Variants in INPP4B observed in about 807,000 individuals in gnomAD.
INPP4B encodes inositol polyphosphate 4-phosphatase type II.
Under a neutral mutation model 122.5 loss-of-function variants are expected in INPP4B, and 55 were observed. That is an observed-to-expected ratio of 0.45 (90% CI 0.36 to 0.56). The LOEUF is 0.56. Among genes scored for constraint, INPP4B ranks in the 20% least tolerant of loss-of-function variants. INPP4B has a pLI of 0.00. For missense variants in INPP4B, 1,000 were observed against 1,097.7 expected, an observed-to-expected ratio of 0.91 and a Z score of 1.26; for synonymous variants, 403 against 388.7, an observed-to-expected ratio of 1.04 and a Z score of -0.43.
At chr4:142,656,111 G>A (rs889383811) in intron 2 of INPP4B, among the ~76,000 whole-genome samples, 4 of 152,180 alleles carry the variant, frequency 2.6e-5, no homozygotes, top group African/African-American at 9.7e-5. Flanking sequence ...CACACCATTT[G>A]CAGCAGGGAG....
intron 15 of INPP4B, among the ~76,000 whole-genome samples, chr4:142,174,350 G>C (rs898151296): frequency 1.3e-5 from 2 of 152,008 alleles, no homozygotes; most frequent in Non-Finnish European, 2.9e-5. Flanking sequence ...CTAAAATTGT[G>C]CTTGGCACAG....
intron 2 of INPP4B, among the ~76,000 whole-genome samples, chr4:142,682,012 C>T (rs938432536): frequency 4.0e-5 from 6 of 151,698 alleles, no homozygotes; most frequent in Non-Finnish European, 8.8e-5. Flanking sequence ...TAATGTACAC[C>T]TTTGGGATGT....
chr4:142,800,567 AT>A (rs1306882256), intron 1 of INPP4B, among the ~76,000 whole-genome samples: 1 of 152,216 alleles, frequency 6.6e-6, no homozygotes, highest in Admixed American at 6.5e-5. Context: ...TTATATACAG[AT>A]TCCTGAAAGG....
chr4:142,557,489 G>A (rs1265880137), intron 2 of INPP4B, among the ~76,000 whole-genome samples: 1 of 150,996 alleles, frequency 6.6e-6, no homozygotes, highest in Non-Finnish European at 1.5e-5. Flanking sequence ...AGAAACTGAG[G>A]CCAGAGAGGC....
At position 142,616,673 on chromosome 4, in the gene INPP4B, G is replaced by A. The variant is rs567389122; in HGVS notation, c.-191+109166C>T. On this transcript the variant is annotated intron_variant, in intron 2 of 25. Coordinates refer to ENST00000262992, the MANE Select transcript of INPP4B (RefSeq NM_001101669.3). ...ACGTGCAGCATTATTCATAATAGCA[G>A]TCATGGAATCAACCTAAGTGTCCAT... is the stretch of plus-strand genomic sequence containing the variant. 6.4e-4 allele frequency among the ~76,000 whole-genome samples: 97 copies of A among 152,244 alleles called. 1 individual carries two copies. In the South Asian group the frequency reaches 0.019, roughly 31 times the overall value.
rs573979135 is a variant in INPP4B at position 142,266,832 on chromosome 4, G to GA, written c.615+3830dup. ...GAAAACCCTAATGACACAACCAAAA[G>GA]AAAAAAAAAATCAGTTAAAACTGAT... On this transcript the variant is annotated intron_variant, in intron 10 of 25. Coordinates refer to ENST00000262992, the MANE Select transcript of INPP4B (RefSeq NM_001101669.3). Among the ~76,000 whole-genome samples, 218 of 146,160 alleles carry GA rather than the reference G, an allele frequency of 1.5e-3. 1 individual carries two copies. The highest frequency in any genetic ancestry group is 6.9e-3 in the Middle Eastern group (2 of 288).
chr4:142,748,863 T>C (rs1014812997), intron 1 of INPP4B, among the ~76,000 whole-genome samples: 1 of 151,924 alleles, frequency 6.6e-6, no homozygotes, highest in African/African-American at 2.4e-5. Flanking sequence ...AGACAGGCCA[T>C]GCACAGTGGT....
At chr4:142,329,193 C>T (rs548526392) in intron 7 of INPP4B, among the ~76,000 whole-genome samples, 4 of 152,136 alleles carry the variant, frequency 2.6e-5, no homozygotes, top group African/African-American at 7.2e-5. Context: ...TACAGTGTAA[C>T]GAGGTGGGAG....
chr4:142,620,548 C>G (rs977766850), intron 2 of INPP4B, among the ~76,000 whole-genome samples: 1 of 151,858 alleles, frequency 6.6e-6, no homozygotes, highest in African/African-American at 2.4e-5. Flanking sequence ...AACTACCTAT[C>G]AGGTACTATG....
chr4:142,151,657 A>C (rs1475699765), intron 17 of INPP4B, among the ~76,000 whole-genome samples: 1 of 152,012 alleles, frequency 6.6e-6, no homozygotes, highest in Non-Finnish European at 1.5e-5. Flanking sequence ...TCCTCTTTTG[A>C]TTATTTCTAA....
At chr4:142,053,190 G>T (rs1354291910) in intron 25 of INPP4B, among the ~76,000 whole-genome samples, 1 of 152,054 alleles carries the variant, frequency 6.6e-6, no homozygotes, top group Non-Finnish European at 1.5e-5. Flanking sequence ...GACCTGGAGG[G>T]TTGGCTGGGA....
intron 2 of INPP4B, among the ~76,000 whole-genome samples, chr4:142,504,251 A>T (rs1430283787): frequency 6.6e-6 from 1 of 152,090 alleles, no homozygotes; most frequent in Non-Finnish European, 1.5e-5. Flanking sequence ...CACAGAGGAA[A>T]AAAAGATGCT....
At chr4:142,688,362 A>AT (rs945448294) in intron 2 of INPP4B, among the ~76,000 whole-genome samples, 89 of 152,000 alleles carry the variant, frequency 5.9e-4, no homozygotes, top group African/African-American at 2.0e-3. Context: ...ACCATGAGTG[A>AT]TTTTTTTTGC....
At chr4:142,127,732 A>G (rs563698671) in intron 18 of INPP4B, among the ~76,000 whole-genome samples, 4 of 152,228 alleles carry the variant, frequency 2.6e-5, no homozygotes, top group African/African-American at 9.6e-5. Flanking sequence ...TTAAAATAGT[A>G]GTAAGCCTTC....
chr4:142,385,221 C>T (rs1158077694), intron 7 of INPP4B, among the ~76,000 whole-genome samples: 1 of 152,162 alleles, frequency 6.6e-6, no homozygotes, highest in African/African-American at 2.4e-5. Context: ...TTTACACTCC[C>T]ACTAACAGTG....
At chr4:142,769,849 G>T (rs1481761364) in intron 1 of INPP4B, among the ~76,000 whole-genome samples, 4 of 152,138 alleles carry the variant, frequency 2.6e-5, no homozygotes, top group African/African-American at 9.7e-5. Context: ...GGAAGACAGA[G>T]GTGGCAGTGA....
chr4:142,791,410 T>A (rs1160027091), intron 1 of INPP4B, among the ~76,000 whole-genome samples: 2 of 152,154 alleles, frequency 1.3e-5, no homozygotes, highest in Non-Finnish European at 2.9e-5. Flanking sequence ...ATTCTGCCTA[T>A]AGCATTAGCT....
At chr4:142,389,925 AG>A (rs941332662) in intron 7 of INPP4B, among the ~76,000 whole-genome samples, 1 of 152,212 alleles carries the variant, frequency 6.6e-6, no homozygotes, top group Non-Finnish European at 1.5e-5. Flanking sequence ...TAACACTAAA[AG>A]TTTGAACAAG....
intron 2 of INPP4B, among the ~76,000 whole-genome samples, chr4:142,583,186 C>T (rs1432034501): frequency 1.3e-5 from 2 of 152,064 alleles, no homozygotes; most frequent in African/African-American, 2.4e-5. Flanking sequence ...ACCAATTTTA[C>T]ATTTCAAATG....
Sources: gnomAD v4.1 joint callset for allele counts (sites outside exome capture counted in the v4.1 genomes callset) on GRCh38, gnomAD v4.1.1 for gene constraint, MANE v1.5 for transcripts, NCBI Gene and HGNC (gene_info 2026-07-23, HGNC 2026-07-21) for gene names.